NAALADL1: variants seen among roughly 807,000 people sequenced by gnomAD.
NAALADL1 encodes aminopeptidase NAALADL1.
Under a neutral mutation model 82.8 loss-of-function variants are expected in NAALADL1, and 77 were observed. That is an observed-to-expected ratio of 0.93 (90% CI 0.77 to 1.12). The LOEUF is 1.12. Ranked by LOEUF, NAALADL1 falls within the 50% of genes most tolerant of loss-of-function variation. The pLI, the probability that NAALADL1 is intolerant of heterozygous loss-of-function variation, is 0.00. For missense variants in NAALADL1, 956 were observed against 964.0 expected, an observed-to-expected ratio of 0.99 and a Z score of 0.11; for synonymous variants, 358 against 399.2, an observed-to-expected ratio of 0.90 and a Z score of 1.23.
At chr11:65,055,934 G>C (rs1408371490) in intron 4 of NAALADL1, among the ~76,000 whole-genome samples, 5 of 146,586 alleles carry the variant, frequency 3.4e-5, no homozygotes, top group African/African-American at 1.3e-4. Flanking sequence ...CCCCCAGGCT[G>C]GAGTGCAATG....
chr11:65,047,850 C>T, intron 11 of NAALADL1, 112 bp from the exon 12 acceptor site: 1 of 1,456,558 alleles, frequency 6.9e-7, no homozygotes, highest in South Asian at 1.3e-5. Flanking sequence ...ACGAGGCTTG[C>T]CCCAGCCTCA....
At chr11:65,055,574 CTT>C (rs957939174) in intron 4 of NAALADL1, among the ~76,000 whole-genome samples, 14 of 152,164 alleles carry the variant, frequency 9.2e-5, no homozygotes, top group Non-Finnish European at 1.6e-4. Context: ...AGACAAATAT[CTT>C]ATACTTTCAC....
intron 17 of NAALADL1, 28 bp from the exon 18 acceptor site, chr11:65,045,485 G>GGTCA (rs751344599): frequency 1.9e-6 from 3 of 1,572,494 alleles, no homozygotes; most frequent in Non-Finnish European, 2.6e-6. Context: ...ACAGGATCAG[G>GGTCA]GTCAGTCAGT....
In NAALADL1 at chr11:65,047,659, C is replaced by T. The variant is rs1452603823; in HGVS notation, c.1496G>A (p.Gly499Asp). Residue 499 changes from glycine (G) to aspartate (D), a missense_variant, in exon 12 of 18, where the codon GGC (glycine) becomes GAC (aspartate). Coordinates refer to ENST00000358658, the MANE Select transcript of NAALADL1 (RefSeq NM_005468.3). ...RYFNRSSPVY[G>D]LVPSLGSLGA... Reference sequence around the variant, plus strand: ...TCCCTGGGCTTACCTGGGGACCAGGCCGTACACCGGGCTGCTGCGGTTGAA... The same window carrying T: ...TCCCTGGGCTTACCTGGGGACCAGGTCGTACACCGGGCTGCTGCGGTTGAA... The T allele has an allele frequency of 1.2e-6, 2 of 1,605,328 alleles. No individual in the cohort carries two copies. The highest frequency in any genetic ancestry group is 1.3e-5 in the African/African-American group (1 of 74,996).
chr11:65,053,319 C>A lies in NAALADL1; in HGVS notation c.1097G>T (p.Gly366Val). ...GTGCACCCAGCTGTCTCGGTGGTTC[C>A]CATACAGCACGTAGCGATCTGGCCA... is the stretch of plus-strand genomic sequence containing the variant. ...AVEPDRYVLY[G>V]NHRDSWVHGA... Residue 366 changes from glycine (G) to valine (V), a missense_variant, in exon 8 of 18, where the codon GGG (glycine) becomes GTG (valine). By Grantham distance (109) the Gly-to-Val change is moderately radical (BLOSUM62 -3). Coordinates refer to ENST00000358658, the MANE Select transcript of NAALADL1 (RefSeq NM_005468.3). This position sits in a 1 kb window ranked among gnomAD's most constrained non-coding sequence, Gnocchi z 4.3. 6.4e-7 allele frequency: 1 copy of A among 1,569,722 alleles called. No individual in the cohort carries two copies. The highest frequency in any genetic ancestry group is 1.4e-5 in the African/African-American group (1 of 73,904).
upstream of NAALADL1, among the ~76,000 whole-genome samples, chr11:65,059,974 A>C (rs986817101): frequency 6.6e-6 from 1 of 152,238 alleles, no homozygotes; most frequent in Non-Finnish European, 1.5e-5. Flanking sequence ...ACGGAGAGCC[A>C]GGAGGGGCTG....
intron 8 of NAALADL1, among the ~76,000 whole-genome samples, chr11:65,050,981 C>T (rs991781585): frequency 3.9e-5 from 6 of 151,936 alleles, no homozygotes; most frequent in Non-Finnish European, 8.8e-5. Flanking sequence ...CATGAGTCAC[C>T]GTGCCTGGCC....
intron 14 of NAALADL1, 37 bp downstream of exon 14, chr11:65,046,408 G>T: frequency 1.2e-6 from 2 of 1,614,190 alleles, no homozygotes; most frequent in Non-Finnish European, 1.7e-6. Context: ...AGCCTCTCCT[G>T]TCCTGGTCTC....
At chr11:65,055,557 C>T (rs2137026149) in intron 4 of NAALADL1, among the ~76,000 whole-genome samples, 1 of 152,224 alleles carries the variant, frequency 6.6e-6, no homozygotes, top group Non-Finnish European at 1.5e-5. Flanking sequence ...ATAAGCCAGA[C>T]ATAAAAAGAC....
chr11:65,049,408 C>A (rs1288754045), intron 8 of NAALADL1, among the ~76,000 whole-genome samples: 1 of 152,134 alleles, frequency 6.6e-6, no homozygotes, highest in Non-Finnish European at 1.5e-5. Flanking sequence ...TAATCTAAAT[C>A]AAATGAGCCA....
Position 65,044,826 on chromosome 11 carries a change from G to A in NAALADL1, c.*445C>T. 7.6e-7 allele frequency: 1 copy of A among 1,310,694 alleles called. No homozygotes were observed. The highest frequency in any genetic ancestry group is 1.0e-6 in the Non-Finnish European group (1 of 974,518). 81.2% of individuals were successfully genotyped at this position (1,310,694 alleles called of 1,614,324 possible). A position where few individuals can be genotyped will look rare whatever the true frequency, so the allele number is the denominator to read the frequency against. ...GTAATAAAAGGAACTTGTTTTGTTG[G>A]TACCAGTCACTAGATGTGATTTATT... On this transcript the variant is annotated 3_prime_UTR_variant, in exon 18 of 18. Coordinates refer to ENST00000358658, the MANE Select transcript of NAALADL1 (RefSeq NM_005468.3). This position sits in a 1 kb window ranked among gnomAD's most constrained non-coding sequence, Gnocchi z 4.0.
chr11:65,045,462 CAA>C lies in NAALADL1; in HGVS notation c.2037-7_2037-6del, dbSNP rs762735024. ...CGAGGTGCCCAGAGCACATGGCTGA[CAA>C]GAGAAATGGGACAGGATCAGGGTCA... On this transcript the variant is annotated splice_region_variant and splice_polypyrimidine_tract_variant and intron_variant, in intron 17 of 17. Coordinates refer to ENST00000358658, the MANE Select transcript of NAALADL1 (RefSeq NM_005468.3). 5.3e-5 allele frequency: 85 copies of C among 1,596,410 alleles called. No individual in the cohort carries two copies. The African/African-American group carries it at 6.7e-4, about 13-fold the overall frequency.
intron 8 of NAALADL1, 67 bp from the exon 9 acceptor site, chr11:65,048,452 G>A (rs1946801373): frequency 6.4e-7 from 1 of 1,568,232 alleles, no homozygotes; most frequent in Non-Finnish European, 8.8e-7. Flanking sequence ...TAGGAGAAAG[G>A]CTGCTGACGT....
Position 65,053,237 on chromosome 11 carries a change from C to T in NAALADL1, c.1179G>A (p.Leu393=). ...TAVLLELSRV[L]GTLLKKGTWR... is the part of the protein sequence containing the mutation. ...CCTCACCCTTCTTCAGCAGGGTCCCCAGGACACGGGAGAGCTCCAGGAGGA... is the reference window on the plus strand; with the variant it reads ...CCTCACCCTTCTTCAGCAGGGTCCCTAGGACACGGGAGAGCTCCAGGAGGA... Residue 393 remains leucine (L), a synonymous_variant, in exon 8 of 18, where the codon CTG becomes CTA. Coordinates refer to ENST00000358658, the MANE Select transcript of NAALADL1 (RefSeq NM_005468.3). This position sits in a 1 kb window ranked among gnomAD's most constrained non-coding sequence, Gnocchi z 4.3. The T allele has an allele frequency of 6.4e-7, 1 of 1,550,722 alleles. No individual in the cohort carries two copies. The highest frequency in any genetic ancestry group is 8.7e-7 in the Non-Finnish European group (1 of 1,147,094).
At chr11:65,059,946 G>A (rs572843244), upstream of NAALADL1, among the ~76,000 whole-genome samples, 4 of 152,354 alleles carry the variant, frequency 2.6e-5, no homozygotes, top group African/African-American at 9.6e-5. Context: ...TACACATACT[G>A]AGCCTCTTCC....
intron 10 of NAALADL1, 31 bp from the exon 11 acceptor site, chr11:65,048,079 G>T (rs745588799): frequency 1.2e-6 from 2 of 1,613,648 alleles, no homozygotes; most frequent in Non-Finnish European, 1.7e-6. Flanking sequence ...GACTATTTGG[G>T]CCCCAGCCCC....
rs1946696932 is a variant in NAALADL1 at position 65,045,448 on chromosome 11, G to T, written c.2046C>A (p.Leu682=). 6.2e-7 allele frequency: 1 copy of T among 1,606,178 alleles called. No individual in the cohort carries two copies. Among genetic ancestry groups the T allele is most frequent in the Middle Eastern group, 1.7e-4 (1 of 5,968 alleles). ...CTACGGAGCCCGTGCGAGGTGCCCAGAGCACATGGCTGACAAGAGAAATGG... is the reference window on the plus strand; with the variant it reads ...CTACGGAGCCCGTGCGAGGTGCCCATAGCACATGGCTGACAAGAGAAATGG... ...FPEERYYSHV[L]WAPRTGSVVT... The change falls in exon 18 of 18, where the codon CTC becomes CTA. Residue 682 remains leucine (L), a synonymous_variant. Transcript: ENST00000358658.
intron 4 of NAALADL1, among the ~76,000 whole-genome samples, chr11:65,055,747 GGTTA>G (rs1947020338): frequency 6.6e-6 from 1 of 151,970 alleles, no homozygotes. Context: ...TAGTGGTGAT[GGTTA>G]ATTAATAATC....
intron 8 of NAALADL1, among the ~76,000 whole-genome samples, chr11:65,050,485 A>T (rs953092440): frequency 2.8e-5 from 4 of 144,426 alleles, no homozygotes; most frequent in Non-Finnish European, 6.1e-5. Flanking sequence ...CTAAATAATT[A>T]AAAAAAAAAG....
Sources: allele counts gnomAD v4.1 joint callset (sites outside exome capture counted in the v4.1 genomes callset), GRCh38; gene constraint gnomAD v4.1.1; non-coding constraint Gnocchi (gnomAD v3.1); transcripts MANE v1.5; gene names NCBI Gene and HGNC (gene_info 2026-07-23, HGNC 2026-07-21).